The following PTPRN2 variants were observed in gnomAD, a reference collection of about 807,000 sequenced individuals.
The protein encoded by PTPRN2 is protein tyrosine phosphatase receptor type N2.
A neutral mutation model predicts 118.8 loss-of-function variants in PTPRN2; 74 were observed. The ratio of observed to expected loss-of-function variants is 0.62; its 90% CI spans 0.52 to 0.76. The LOEUF is 0.76. PTPRN2 is among the 30% of genes least tolerant of loss of function. PTPRN2 has a pLI of 0.00. For missense variants in PTPRN2, 1,481 were observed against 1,394.4 expected (o/e 1.06, Z -0.99); for synonymous variants, 641 against 608.0 (o/e 1.05, Z -0.80).
At chr7:157,989,981 C>T (rs1322125064) in intron 11 of PTPRN2, among the ~76,000 whole-genome samples, 1 of 152,124 alleles carries the variant, frequency 6.6e-6, no homozygotes, top group Non-Finnish European at 1.5e-5. Flanking sequence ...CTGCCAAATG[C>T]AGAGCTGCTT....
At chr7:158,126,617 GC>G (rs1209626577) in intron 9 of PTPRN2, among the ~76,000 whole-genome samples, 5 of 76,736 alleles carry the variant, frequency 6.5e-5, no homozygotes, top group African/African-American at 2.7e-4. Flanking sequence ...CGCCACACCA[GC>G]CCCCGGAGAG....
At chr7:157,719,284 C>T (rs1288895033) in intron 12 of PTPRN2, among the ~76,000 whole-genome samples, 8 of 152,224 alleles carry the variant, frequency 5.3e-5, no homozygotes, top group African/African-American at 1.4e-4. Flanking sequence ...GCCTGACTCA[C>T]GTCTCCATTC....
rs372983704 is a variant in PTPRN2 at position 158,481,599 on chromosome 7, G to A, written c.163+8136C>T. Among the ~76,000 whole-genome samples the A allele has an allele frequency of 4.3e-4, 66 of 152,336 alleles. 3 individuals carry two copies. The South Asian group carries it at 4.8e-3, about 11-fold the overall frequency. Reference sequence around the variant, plus strand: ...TTGCCTCAGCCTCCCGCATAGCTGGGATTACAGGCACATGCCACCATGCCC... The same window carrying A: ...TTGCCTCAGCCTCCCGCATAGCTGGAATTACAGGCACATGCCACCATGCCC... On this transcript the variant is annotated intron_variant, in intron 2 of 22. Coordinates refer to ENST00000389418, the MANE Select transcript of PTPRN2 (RefSeq NM_002847.5).
chr7:157,937,307 G>GCTGTGCTGTGCTTATT (rs1799770805), intron 11 of PTPRN2, among the ~76,000 whole-genome samples: 1 of 152,236 alleles, frequency 6.6e-6, no homozygotes, highest in Admixed American at 6.5e-5. Flanking sequence ...TTTACCCAAA[G>GCTGTGCTGTGCTTATT]TAAGCTGTGC....
rs1354522111 is a variant in PTPRN2, at chr7:157,729,600, C to A, written c.1789-46663G>T. ...AGCTTGCAAAAGGAGCTCTGCAGTG[C>A]CTGAGACCTGCAAAGGGCCATCCTG... On this transcript the variant is annotated intron_variant, in intron 12 of 22. Transcript: ENST00000389418. This position sits in a 1 kb window ranked among gnomAD's most constrained non-coding sequence, Gnocchi z 4.3. Among the ~76,000 whole-genome samples the A allele has an allele frequency of 1.3e-5, 2 of 152,216 alleles. No homozygotes were observed. The highest frequency in any genetic ancestry group is 2.9e-5 in the Non-Finnish European group (2 of 68,050).
rs746474841 is a variant in PTPRN2, at chr7:158,133,741, C to T, written c.1492G>A (p.Gly498Ser). 18 of 1,612,680 alleles carry T rather than the reference C, an allele frequency of 1.1e-5. No individual in the cohort carries two copies. The highest frequency in any genetic ancestry group is 9.3e-5 in the African/African-American group (7 of 75,044). ...GAAGGCTGGACCTCCAATTGCAGGCCGTCGCTGAGGGCCTCCTGAGCACCC... is the reference window on the plus strand; with the variant it reads ...GAAGGCTGGACCTCCAATTGCAGGCTGTCGCTGAGGGCCTCCTGAGCACCC... Reference protein sequence around the residue: ...PAGAQEALSDGLQLEVQPSEE... With the variant: ...PAGAQEALSDSLQLEVQPSEE... Residue 498 changes from glycine to serine, a missense_variant, in exon 9 of 23, where the codon GGC becomes AGC. Transcript: ENST00000389418.
chr7:157,758,864 C>T (rs1801968291), intron 12 of PTPRN2, among the ~76,000 whole-genome samples: 1 of 152,184 alleles, frequency 6.6e-6, no homozygotes, highest in African/African-American at 2.4e-5. Context: ...GCCCTGCCTG[C>T]GTGGCTGCTC....
In PTPRN2 at chr7:157,646,247, G is replaced by C. The variant is rs114739461; in HGVS notation, c.2196+10110C>G. ...CTGGTGGGAAGTGGCTGGGTCACAG[G>C]GTGGTTTCTCATGGGTGGTTTAGAC... On this transcript the variant is annotated intron_variant, in intron 14 of 22. Transcript: ENST00000389418. Among the ~76,000 whole-genome samples, 616 of 152,260 alleles carry C rather than the reference G, an allele frequency of 4.0e-3. 7 individuals carry two copies. The highest frequency in any genetic ancestry group is 0.014 in the African/African-American group (591 of 41,542).
chr7:157,943,048 C>T (rs1800245314), intron 11 of PTPRN2, among the ~76,000 whole-genome samples: 1 of 152,198 alleles, frequency 6.6e-6, no homozygotes. Flanking sequence ...GCCTGGTGCT[C>T]CCAGCATCTT....
At chr7:157,783,303 G>C (rs1302261258) in intron 12 of PTPRN2, among the ~76,000 whole-genome samples, 1 of 151,852 alleles carries the variant, frequency 6.6e-6, no homozygotes, top group Non-Finnish European at 1.5e-5. Context: ...CACGTGGCCT[G>C]TTACTCACGT....
At chr7:157,844,559 G>A (rs188724712) in intron 12 of PTPRN2, among the ~76,000 whole-genome samples, 21 of 152,338 alleles carry the variant, frequency 1.4e-4, no homozygotes, top group Admixed American at 5.2e-4. Context: ...GGAGCCCAGC[G>A]TGACCAGCCT....
At chr7:158,492,197 C>G (rs1041585574) in intron 1 of PTPRN2, among the ~76,000 whole-genome samples, 1 of 152,184 alleles carries the variant, frequency 6.6e-6, no homozygotes, top group Non-Finnish European at 1.5e-5. Context: ...GAGGTTAGTC[C>G]GATGTCGTGG....
Position 158,471,645 on chromosome 7 carries a change from G to A in PTPRN2, c.163+18090C>T, listed in dbSNP as rs373862274. On this transcript the variant is annotated intron_variant, in intron 2 of 22. Coordinates refer to ENST00000389418, the MANE Select transcript of PTPRN2 (RefSeq NM_002847.5). ...AGAAGTTGTGGCGAGCTGAGATTGC[G>A]CCACTGCACTCCAGCCTGGGGGACA... Among the ~76,000 whole-genome samples, 119 of 151,970 alleles carry A rather than the reference G, an allele frequency of 7.8e-4. 1 individual carries two copies. The South Asian group carries it at 0.016, about 20-fold the overall frequency.
chr7:157,756,178 T>C (rs566936342), intron 12 of PTPRN2, among the ~76,000 whole-genome samples: 3 of 152,358 alleles, frequency 2.0e-5, no homozygotes, highest in South Asian at 4.1e-4. Flanking sequence ...AGTGGAATTA[T>C]CTGGAAGAGT....
intron 11 of PTPRN2, among the ~76,000 whole-genome samples, chr7:157,980,479 C>T (rs565534059): frequency 4.6e-5 from 7 of 152,194 alleles, no homozygotes; most frequent in South Asian, 2.1e-4. Context: ...TGGCCGGGCA[C>T]GGTGGCTCAC....
At chr7:158,071,681 CCTG>C (rs1811772361) in intron 11 of PTPRN2, among the ~76,000 whole-genome samples, 26 of 82,248 alleles carry the variant, frequency 3.2e-4, no homozygotes, top group African/African-American at 7.0e-4. Flanking sequence ...TGGAGGTGCT[CCTG>C]GTGGAGGTGC....
intron 2 of PTPRN2, among the ~76,000 whole-genome samples, chr7:158,351,555 C>T (rs1037926104): frequency 2.0e-5 from 3 of 152,164 alleles, no homozygotes; most frequent in African/African-American, 4.8e-5. Context: ...TTTAGCCCCG[C>T]GTTTCTTACT....
Position 157,618,050 on chromosome 7 carries a change from C to A in PTPRN2, c.2344+3312G>T, listed in dbSNP as rs751509217. 6.6e-6 allele frequency: 1 copy of A among 152,206 alleles called. No homozygotes were observed. The highest frequency in any genetic ancestry group is 1.5e-5 in the Non-Finnish European group (1 of 68,044). The allele number at this position is 152,206 out of a possible 1,614,324, so 9.4% of individuals were successfully genotyped here. A position where few individuals can be genotyped will look rare whatever the true frequency, so the allele number is the denominator to read the frequency against. On this transcript the variant is annotated intron_variant, in intron 15 of 22. Coordinates refer to ENST00000389418, the MANE Select transcript of PTPRN2 (RefSeq NM_002847.5). The surrounding 1 kb of genome is among the most constrained non-coding windows in gnomAD (Gnocchi z 4.2). ...AGTTCTTTAAACTTCTGAGATAATA[C>A]AACTAGACCTAGCATGGTGCCAGCC... is the stretch of plus-strand genomic sequence containing the variant.
intron 3 of PTPRN2, among the ~76,000 whole-genome samples, chr7:158,265,514 T>C (rs976083028): frequency 6.6e-6 from 1 of 152,042 alleles, no homozygotes; most frequent in African/African-American, 2.4e-5. Flanking sequence ...CAGGTGCATA[T>C]ATCCCCCCAT....
Sources: gnomAD v4.1 joint callset for allele counts (sites outside exome capture counted in the v4.1 genomes callset) on GRCh38, gnomAD v4.1.1 for gene constraint, Gnocchi (gnomAD v3.1) non-coding constraint, MANE v1.5 for transcripts, NCBI Gene and HGNC (gene_info 2026-07-23, HGNC 2026-07-21) for gene names.